The following PALS2 variants were observed in gnomAD, a reference collection of about 807,000 sequenced individuals.
The protein encoded by PALS2 is protein associated with LIN7 2, MAGUK p55 family member, also known as protein PALS2.
A neutral mutation model predicts 61.6 loss-of-function variants in PALS2; 27 were observed. That is an observed-to-expected ratio of 0.44 (90% confidence interval 0.32 to 0.60). The LOEUF (loss-of-function observed/expected upper bound fraction) is 0.60. PALS2 is among the 20% of genes least tolerant of loss of function. The pLI is 0.05. For synonymous variants in PALS2, 236 were observed against 218.6 expected (o/e 1.08, Z -0.70); for missense variants, 554 against 639.4 (o/e 0.87, Z 1.44).
chr7:24,673,225 C>G (rs1441484828), intron 9 of PALS2, among the ~76,000 whole-genome samples: 2 of 152,136 alleles, frequency 1.3e-5, no homozygotes, highest in Non-Finnish European at 2.9e-5. Flanking sequence ...ATATATTGAA[C>G]CAACCTTGTC....
chr7:24,673,553 T>G (rs149449272), intron 9 of PALS2, among the ~76,000 whole-genome samples: 1 of 152,244 alleles, frequency 6.6e-6, no homozygotes, highest in East Asian at 1.9e-4. Flanking sequence ...AAGTTTTGAT[T>G]ATTAGTTCAG....
chr7:24,619,509 G>T (rs1055524210), intron 1 of PALS2, among the ~76,000 whole-genome samples: 1 of 151,824 alleles, frequency 6.6e-6, no homozygotes, highest in South Asian at 2.1e-4. Context: ...GGAGGTCAGG[G>T]GATGGAGACC....
intron 2 of PALS2, among the ~76,000 whole-genome samples, chr7:24,627,318 A>G (rs922510791): frequency 3.3e-5 from 5 of 152,228 alleles, no homozygotes; most frequent in Admixed American, 2.6e-4. Context: ...AACCAATGAG[A>G]TCAAAGACAC....
In PALS2 at chr7:24,596,600, T is replaced by C. The variant is rs941424739; in HGVS notation, c.-3+23007T>C. Among the ~76,000 whole-genome samples the C allele has an allele frequency of 6.6e-6, 1 of 152,214 alleles. No homozygotes were observed. Among genetic ancestry groups the C allele is most frequent in the African/African-American group, 2.4e-5 (1 of 41,462 alleles). ...TCTTGTAAAATAATGAAGTTTTGACTTGCTTTGTTAATTAGTGGTTGGGTG... is the reference window on the plus strand; with the variant it reads ...TCTTGTAAAATAATGAAGTTTTGACCTGCTTTGTTAATTAGTGGTTGGGTG... On this transcript the variant is annotated intron_variant, in intron 1 of 11. Transcript: ENST00000222644. This position sits in a 1 kb window ranked among gnomAD's most constrained non-coding sequence, Gnocchi z 4.5.
intron 11 of PALS2, among the ~76,000 whole-genome samples, chr7:24,686,355 C>T (rs1206492770): frequency 6.6e-6 from 1 of 152,148 alleles, no homozygotes; most frequent in African/African-American, 2.4e-5. Flanking sequence ...AGAGGTCTTT[C>T]CATCTCGTAG....
chr7:24,691,405 GTATATATATATATATA>G lies in PALS2; in HGVS notation c.*3816_*3831del, dbSNP rs70942878. 1.5e-4 allele frequency: 17 copies of G among 110,596 alleles called. No homozygotes were observed. The highest frequency in any genetic ancestry group is 3.0e-4 in the Admixed American group (3 of 9,898). The allele number at this position is 110,596 out of a possible 1,614,324, so 6.9% of individuals were successfully genotyped here. A position where few individuals can be genotyped will look rare whatever the true frequency, so the allele number is the denominator to read the frequency against. On this transcript the variant is annotated 3_prime_UTR_variant, in exon 12 of 12. Transcript: ENST00000222644. Reference sequence around the variant, plus strand: ...ATATTATGTATGTGTGTGTGTGTGTGTATATATATATATATATATATATATATATATATATATATAC... The same window carrying G: ...ATATTATGTATGTGTGTGTGTGTGTGTATATATATATATATATATATATAC...
chr7:24,646,756 A>G (rs1390356789), intron 3 of PALS2, among the ~76,000 whole-genome samples: 1 of 152,204 alleles, frequency 6.6e-6, no homozygotes, highest in East Asian at 1.9e-4. Flanking sequence ...ATCTGATAGC[A>G]TTCAGCTGTG....
intron 2 of PALS2, among the ~76,000 whole-genome samples, chr7:24,625,940 T>A (rs1583895264): frequency 6.6e-6 from 1 of 152,156 alleles, no homozygotes; most frequent in East Asian, 1.9e-4. Context: ...AGCCTAGCAC[T>A]CTCAGTATAA....
intron 5 of PALS2, among the ~76,000 whole-genome samples, chr7:24,660,626 T>G (rs1219777863): frequency 1.3e-5 from 2 of 152,202 alleles, no homozygotes; most frequent in Non-Finnish European, 2.9e-5. Flanking sequence ...CACCAGTTCC[T>G]TTTTGTTAAA....
chr7:24,630,345 A>G (rs897612077), intron 2 of PALS2, among the ~76,000 whole-genome samples: 2 of 152,056 alleles, frequency 1.3e-5, no homozygotes, highest in Non-Finnish European at 1.5e-5. Flanking sequence ...TTGGGAGGCA[A>G]GGGGAGGGGG....
intron 6 of PALS2, among the ~76,000 whole-genome samples, chr7:24,664,771 C>G (rs1446799497): frequency 6.6e-6 from 1 of 152,034 alleles, no homozygotes; most frequent in African/African-American, 2.4e-5. Context: ...TTTAAAAAAT[C>G]TCTCTGTGGC....
intron 1 of PALS2, among the ~76,000 whole-genome samples, chr7:24,601,928 T>C (rs545178836): frequency 6.6e-6 from 1 of 152,282 alleles, no homozygotes; most frequent in South Asian, 2.1e-4. Context: ...TTCATCTGTT[T>C]TGCTGGGTGC....
At chr7:24,575,231 C>T (rs1165407854) in intron 1 of PALS2, among the ~76,000 whole-genome samples, 4 of 152,116 alleles carry the variant, frequency 2.6e-5, no homozygotes. Context: ...TTACTGATGC[C>T]ACCGAATTCT....
rs1024468856 is a variant in PALS2 at position 24,596,084 on chromosome 7, A to G, written c.-3+22491A>G. ...GGTCAAGAGTGTGGCTAGTTTTCTA[A>G]GTACAGTGGGAAGCCTTTGGGTAGT... On this transcript the variant is annotated intron_variant, in intron 1 of 11. Transcript: ENST00000222644. The surrounding 1 kb of genome is among the most constrained non-coding windows in gnomAD (Gnocchi z 4.5). Among the ~76,000 whole-genome samples the G allele has an allele frequency of 1.3e-5, 2 of 152,028 alleles. No homozygotes were observed. The highest frequency in any genetic ancestry group is 2.9e-5 in the Non-Finnish European group (2 of 67,988).
At chr7:24,581,803 T>G (rs1214172852) in intron 1 of PALS2, among the ~76,000 whole-genome samples, 3 of 152,238 alleles carry the variant, frequency 2.0e-5, no homozygotes, top group Non-Finnish European at 1.5e-5. Flanking sequence ...GAAAAAATTT[T>G]GATGCCTCTA....
intron 5 of PALS2, among the ~76,000 whole-genome samples, chr7:24,659,723 A>G (rs1036712586): frequency 3.9e-5 from 6 of 152,182 alleles, no homozygotes; most frequent in African/African-American, 1.2e-4. Flanking sequence ...CAACTTCTAT[A>G]TATAGTTCCC....
At position 24,679,203 on chromosome 7, in the gene PALS2, A is replaced by G. The variant is rs1256030366; in HGVS notation, c.1187A>G (p.Glu396Gly). The G allele has an allele frequency of 3.1e-6, 5 of 1,613,900 alleles. No individual in the cohort carries two copies. Among genetic ancestry groups the G allele is most frequent in the Non-Finnish European group, 4.2e-6 (5 of 1,179,874 alleles). The change falls in exon 10 of 12, where the codon GAA becomes GGA. Residue 396 changes from glutamate (E) to glycine (G), a missense_variant. Physicochemically the swap from Glu to Gly is moderately conservative, Grantham distance 98. Transcript: ENST00000222644. The stretch of plus-strand genomic sequence containing the variant: ...AAGTTTGTGTCACGATCTGAGATGG[A>G]AGCAGATATTAAAGCTGGAAAGTAT... ...AYKFVSRSEM[E>G]ADIKAGKYLE... is the part of the protein sequence containing the mutation.
intron 9 of PALS2, among the ~76,000 whole-genome samples, chr7:24,675,353 GTTTT>G (rs1428420787): frequency 6.6e-6 from 1 of 150,522 alleles, no homozygotes; most frequent in South Asian, 2.1e-4. Flanking sequence ...TGCCTTAGAA[GTTTT>G]TTTATTTTTT....
rs1190762607 is a variant in PALS2, at chr7:24,596,570, T to TA, written c.-3+22978dup. On this transcript the variant is annotated intron_variant, in intron 1 of 11. Coordinates refer to ENST00000222644, the MANE Select transcript of PALS2 (RefSeq NM_001303037.2). The surrounding 1 kb of genome is among the most constrained non-coding windows in gnomAD (Gnocchi z 4.5). Reference sequence around the variant, plus strand: ...AACAATTTTGATTCATTATACTACATATTTTCTTGTAAAATAATGAAGTTT... The same window carrying TA: ...AACAATTTTGATTCATTATACTACATAATTTTCTTGTAAAATAATGAAGTTT... 1.3e-5 allele frequency among the ~76,000 whole-genome samples: 2 copies of TA among 152,204 alleles called. No individual in the cohort carries two copies. Among genetic ancestry groups the TA allele is most frequent in the African/African-American group, 4.8e-5 (2 of 41,464 alleles).
Sources: allele counts gnomAD v4.1 joint callset (sites outside exome capture counted in the v4.1 genomes callset), GRCh38; gene constraint gnomAD v4.1.1; non-coding constraint Gnocchi (gnomAD v3.1); transcripts MANE v1.5; gene names NCBI Gene and HGNC (gene_info 2026-07-23, HGNC 2026-07-21).